KIF16B: variants seen among roughly 807,000 people sequenced by gnomAD.
The protein encoded by KIF16B is kinesin family member 16B.
KIF16B carries 98 observed loss-of-function variants against 156.3 expected under a neutral mutation model. The observed-to-expected ratio is 0.63, with a 90% CI of 0.53 to 0.74. The LOEUF is 0.74. Among genes scored for constraint, KIF16B ranks in the 30% least tolerant of loss-of-function variants. The probability of loss-of-function intolerance (pLI) is 0.00; values close to 1 mark genes in which losing one functional copy is unlikely to be tolerated. For missense variants in KIF16B, 1,421 were observed against 1,606.5 expected (o/e 0.88, Z 1.97); for synonymous variants, 564 against 583.7 (o/e 0.97, Z 0.49).
chr20:16,364,520 C>T (rs1193673562), intron 22 of KIF16B, among the ~76,000 whole-genome samples: 1 of 152,162 alleles, frequency 6.6e-6, no homozygotes, highest in Admixed American at 6.5e-5. Context: ...AGGCTTAGAA[C>T]TCCTGAAGAA....
In KIF16B at chr20:16,506,074, C is replaced by T. The variant is rs747630931; in HGVS notation, c.816G>A (p.Gly272=). 9.3e-6 allele frequency: 15 copies of T among 1,613,984 alleles called. No individual in the cohort carries two copies. Among genetic ancestry groups the T allele is most frequent in the Non-Finnish European group, 1.1e-5 (13 of 1,180,006 alleles). ...TGATGVRLKE[G]GNINKSLVTL... ...TCACGAGGGACTTGTTAATATTTCC[C>T]CCTTCCTTTAGCCTAACCCCGGTGG... is the stretch of plus-strand genomic sequence containing the variant. Residue 272 remains glycine (G), a synonymous_variant, in exon 8 of 26, where the codon GGG becomes GGA. Coordinates refer to ENST00000354981, the MANE Select transcript of KIF16B (RefSeq NM_024704.5).
chr20:16,342,595 T>C (rs1198349598), intron 23 of KIF16B, among the ~76,000 whole-genome samples: 1 of 152,160 alleles, frequency 6.6e-6, no homozygotes. Context: ...AAAAAAAAAC[T>C]GCAGAGAATA....
intron 12 of KIF16B, among the ~76,000 whole-genome samples, chr20:16,469,054 A>G (rs914069887): frequency 6.6e-6 from 1 of 152,056 alleles, no homozygotes; most frequent in African/African-American, 2.4e-5. Flanking sequence ...GAAACTTGAG[A>G]GCAGCCTGGG....
In KIF16B at chr20:16,478,882, A is replaced by C. The variant is rs184341904; in HGVS notation, c.1302+15409T>G. Reference sequence around the variant, plus strand: ...ATTCAGGCATTCACTAGGGGTCTTGAAATGTATCCCCTGTGGATAAGGGGG... The same window carrying C: ...ATTCAGGCATTCACTAGGGGTCTTGCAATGTATCCCCTGTGGATAAGGGGG... On this transcript the variant is annotated intron_variant, in intron 12 of 25. Coordinates refer to ENST00000354981, the MANE Select transcript of KIF16B (RefSeq NM_024704.5). 1.4e-4 allele frequency among the ~76,000 whole-genome samples: 22 copies of C among 152,312 alleles called. No individual in the cohort carries two copies. In the East Asian group the frequency reaches 3.7e-3, roughly 25 times the overall value.
chr20:16,450,437 G>T (rs1025597400), intron 12 of KIF16B, among the ~76,000 whole-genome samples: 1 of 152,094 alleles, frequency 6.6e-6, no homozygotes, highest in Non-Finnish European at 1.5e-5. Context: ...AAGTTCTACC[G>T]CAAAAGCTTT....
At chr20:16,554,572 C>CTCCT (rs1468973004) in intron 1 of KIF16B, among the ~76,000 whole-genome samples, 1 of 152,208 alleles carries the variant, frequency 6.6e-6, no homozygotes, top group Admixed American at 6.5e-5. Flanking sequence ...GGACACAGGA[C>CTCCT]AGGAACTTGG....
In KIF16B at chr20:16,466,042, A is replaced by AT. The variant is rs1355112991; in HGVS notation, c.1302+28248dup. Among the ~76,000 whole-genome samples the AT allele has an allele frequency of 3.3e-5, 5 of 152,262 alleles. No homozygotes were observed. In the East Asian group the frequency reaches 5.8e-4, roughly 18 times the overall value. ...GATTTTAGAAGTGCAGGACAGGAAA[A>AT]TAAGTTCACAATGAGCTGTTTTAAA... On this transcript the variant is annotated intron_variant, in intron 12 of 25. Coordinates refer to ENST00000354981, the MANE Select transcript of KIF16B (RefSeq NM_024704.5).
intron 12 of KIF16B, among the ~76,000 whole-genome samples, chr20:16,456,647 T>C (rs547178119): frequency 4.6e-5 from 7 of 152,282 alleles, no homozygotes; most frequent in African/African-American, 1.4e-4. Context: ...GTAAATAGTG[T>C]ACCCAGATTG....
At chr20:16,340,038 C>T (rs1397054561) in intron 23 of KIF16B, among the ~76,000 whole-genome samples, 2 of 152,146 alleles carry the variant, frequency 1.3e-5, no homozygotes, top group South Asian at 2.1e-4. Context: ...GGTATGAGTT[C>T]GAGTTCTTCC....
At chr20:16,548,601 C>T (rs1416707617) in intron 1 of KIF16B, among the ~76,000 whole-genome samples, 5 of 152,184 alleles carry the variant, frequency 3.3e-5, no homozygotes, top group Non-Finnish European at 7.3e-5. Context: ...TAGAATCTAA[C>T]TAATGCCTAA....
chr20:16,562,363 C>T lies in KIF16B; in HGVS notation c.47+10866G>A, dbSNP rs573270661. Reference sequence around the variant, plus strand: ...TGTAATATTAAGTAAACTTAATACACGGGAAAGAGCTGAAGCTGTCCTTGT... The same window carrying T: ...TGTAATATTAAGTAAACTTAATACATGGGAAAGAGCTGAAGCTGTCCTTGT... On this transcript the variant is annotated intron_variant, in intron 1 of 25. Coordinates refer to ENST00000354981, the MANE Select transcript of KIF16B (RefSeq NM_024704.5). Among the ~76,000 whole-genome samples, 11 of 152,244 alleles carry T rather than the reference C, an allele frequency of 7.2e-5. No homozygotes were observed. The South Asian group carries it at 1.9e-3, about 26-fold the overall frequency.
chr20:16,442,714 C>A (rs2066836627), intron 12 of KIF16B, among the ~76,000 whole-genome samples: 2 of 152,084 alleles, frequency 1.3e-5, no homozygotes, highest in South Asian at 2.1e-4. Context: ...AAAATGAGGT[C>A]TTCTCTAACA....
At chr20:16,302,942 C>T (rs944660086) in intron 25 of KIF16B, among the ~76,000 whole-genome samples, 1 of 152,048 alleles carries the variant, frequency 6.6e-6, no homozygotes, top group African/African-American at 2.4e-5. Context: ...ACAATCACAT[C>T]ATCTGTGAAT....
At chr20:16,428,495 T>C (rs994943978) in intron 14 of KIF16B, among the ~76,000 whole-genome samples, 2 of 152,210 alleles carry the variant, frequency 1.3e-5, no homozygotes, top group African/African-American at 4.8e-5. Context: ...TAAAAAGCCA[T>C]GCTTCCACAT....
rs530915390 is a variant in KIF16B, at chr20:16,385,197, CAA to C, written c.1785-3452_1785-3451del. 3.6e-3 allele frequency among the ~76,000 whole-genome samples: 452 copies of C among 125,226 alleles called. 2 individuals carry two copies. The highest frequency in any genetic ancestry group is 0.012 in the African/African-American group (411 of 34,002). 82.2% of individuals were successfully genotyped at this position (125,226 alleles called of 152,430 possible). The stretch of plus-strand genomic sequence containing the variant: ...GGGGGACAAGAGCGTAACTCTGTCT[CAA>C]AAAAAAAAAAAAGTAGGTACTCAGT... On this transcript the variant is annotated intron_variant, in intron 17 of 25. Coordinates refer to ENST00000354981, the MANE Select transcript of KIF16B (RefSeq NM_024704.5).
At chr20:16,302,232 T>C (rs2063482216) in intron 25 of KIF16B, among the ~76,000 whole-genome samples, 1 of 152,224 alleles carries the variant, frequency 6.6e-6, no homozygotes, top group Non-Finnish European at 1.5e-5. Context: ...CTATGTCATC[T>C]CCTAGGAATT....
rs374107319 is a variant in KIF16B at position 16,464,807 on chromosome 20, G to A, written c.1302+29484C>T. Among the ~76,000 whole-genome samples the A allele has an allele frequency of 3.4e-4, 51 of 152,224 alleles. 1 individual carries two copies. The East Asian group carries it at 9.6e-3, about 29-fold the overall frequency. On this transcript the variant is annotated intron_variant, in intron 12 of 25. Transcript: ENST00000354981. Reference sequence around the variant, plus strand: ...TTTCTTTGTTTACTCTTTCATACTTGCATCCCAACCGCCTAAAAGTGTTGG... The same window carrying A: ...TTTCTTTGTTTACTCTTTCATACTTACATCCCAACCGCCTAAAAGTGTTGG...
At chr20:16,371,838 C>A in intron 20 of KIF16B, 77 bp from the exon 21 acceptor site, 1 of 948,654 alleles carries the variant, frequency 1.1e-6, no homozygotes, top group Non-Finnish European at 1.7e-6. Flanking sequence ...CTTTACTACG[C>A]CCTTCACAAC....
intron 15 of KIF16B, among the ~76,000 whole-genome samples, chr20:16,426,138 A>AT (rs1378443187): frequency 1.3e-5 from 2 of 152,202 alleles, no homozygotes; most frequent in Non-Finnish European, 2.9e-5. Context: ...ATTCAACATG[A>AT]GATTTGGGTG....
Sources: gnomAD v4.1 joint callset for allele counts (sites outside exome capture counted in the v4.1 genomes callset) on GRCh38, gnomAD v4.1.1 for gene constraint, MANE v1.5 for transcripts, NCBI Gene and HGNC (gene_info 2026-07-23, HGNC 2026-07-21) for gene names.